Variants in PDXK observed in about 807,000 individuals in gnomAD.
The protein encoded by PDXK is epididymis secretory sperm binding protein Li 1a.
Under a neutral mutation model 43.2 loss-of-function variants are expected in PDXK, and 15 were observed. That is an observed-to-expected ratio of 0.35 (90% CI 0.23 to 0.53). The LOEUF is 0.53. PDXK is among the 20% of genes least tolerant of loss of function. The pLI, the probability that PDXK is intolerant of heterozygous loss-of-function variation, is 0.92. For missense variants in PDXK, 343 were observed against 417.0 expected (o/e 0.82, Z 1.54); for synonymous variants, 172 against 165.4 (o/e 1.04, Z -0.31).
chr21:43,756,306 C>T lies in PDXK; in HGVS notation c.*243C>T. 5.2e-6 allele frequency: 2 copies of T among 387,864 alleles called. No individual in the cohort carries two copies. The highest frequency in any genetic ancestry group is 5.9e-5 in the South Asian group (2 of 33,762). The allele number at this position is 387,864 out of a possible 1,614,324, so 24.0% of individuals were successfully genotyped here. A position where few individuals can be genotyped will look rare whatever the true frequency, so the allele number is the denominator to read the frequency against. ...TCCCTTCCCCACAAGGCTCCTGGGC[C>T]TCCGGGAAGACGGGCCCCTGTTTGC... On this transcript the variant is annotated 3_prime_UTR_variant, in exon 11 of 11. Coordinates refer to ENST00000291565, the MANE Select transcript of PDXK (RefSeq NM_003681.5).
Position 43,734,010 on chromosome 21 carries a change from G to T in PDXK, c.88-59G>T, listed in dbSNP as rs2083363608. ...CTCTTCTGAGTCAGCACCTGCTGGG[G>T]TTCGTGGGACCCCAGACCTGGCTCT... On this transcript the variant is annotated intron_variant, in intron 1 of 10. Transcript: ENST00000291565. This position sits in a 1 kb window ranked among gnomAD's most constrained non-coding sequence, Gnocchi z 5.0. 2.6e-6 allele frequency: 4 copies of T among 1,560,284 alleles called. No individual in the cohort carries two copies. In the Admixed American group the frequency reaches 6.7e-5, roughly 26 times the overall value.
chr21:43,720,352 G>C (rs1187550600), intron 1 of PDXK, among the ~76,000 whole-genome samples: 1 of 152,168 alleles, frequency 6.6e-6, no homozygotes, highest in African/African-American at 2.4e-5. Flanking sequence ...GTAAAGAAGG[G>C]CCACCTGGGC....
At position 43,754,586 on chromosome 21, in the gene PDXK, C is replaced by A. The variant is rs1166173554; in HGVS notation, c.759+867C>A. ...GGTGGTCCCCAGCCCCTGGGCTCAG[C>A]CCCCAAAACTCCCCTGGGTACTTCC... On this transcript the variant is annotated intron_variant, in intron 9 of 10. Coordinates refer to ENST00000291565, the MANE Select transcript of PDXK (RefSeq NM_003681.5). The surrounding 1 kb of genome is among the most constrained non-coding windows in gnomAD (Gnocchi z 5.5). 2.6e-5 allele frequency among the ~76,000 whole-genome samples: 4 copies of A among 152,110 alleles called. No homozygotes were observed. Among genetic ancestry groups the A allele is most frequent in the African/African-American group, 9.7e-5 (4 of 41,420 alleles).
At chr21:43,719,484 C>A in intron 1 of PDXK, 103 bp downstream of exon 1, 1 of 1,319,568 alleles carries the variant, frequency 7.6e-7, no homozygotes, top group Non-Finnish European at 1.0e-6. Context: ...TCGGGAGCTG[C>A]GGGCAGAGCC....
chr21:43,728,861 C>A (rs1282694053), intron 1 of PDXK: 1 of 985,466 alleles, frequency 1.0e-6, no homozygotes, highest in East Asian at 1.1e-4. Flanking sequence ...CGCTGCGGCC[C>A]CCGCAGGAAG....
chr21:43,746,180 C>T, intron 5 of PDXK, 55 bp downstream of exon 5: 1 of 1,418,374 alleles, frequency 7.1e-7, no homozygotes, highest in Non-Finnish European at 1.0e-6. Context: ...CTATTCCTGT[C>T]CAGCCAGAAG....
intron 5 of PDXK, among the ~76,000 whole-genome samples, chr21:43,748,205 T>C (rs1288469528): frequency 6.6e-6 from 1 of 152,192 alleles, no homozygotes; most frequent in African/African-American, 2.4e-5. Flanking sequence ...AAGAAAACCA[T>C]GTGTTGCCTG....
At chr21:43,733,223 GGGAAGCCCC>G (rs1168619439) in intron 1 of PDXK, among the ~76,000 whole-genome samples, 1 of 150,142 alleles carries the variant, frequency 6.7e-6, no homozygotes, top group Non-Finnish European at 1.5e-5. Flanking sequence ...AAACAAATGT[GGGAAGCCCC>G]GGAAGCCCCT....
rs1051378174 is a variant in PDXK at position 43,734,775 on chromosome 21, G to T, written c.142+652G>T. On this transcript the variant is annotated intron_variant, in intron 2 of 10. Transcript: ENST00000291565. This position sits in a 1 kb window ranked among gnomAD's most constrained non-coding sequence, Gnocchi z 5.0. ...CCCCATGGCCTGGGGGTGGAGGTGC[G>T]TGGAGTCCCCCCTCCTCTCTGTGGT... 1.3e-5 allele frequency among the ~76,000 whole-genome samples: 2 copies of T among 152,068 alleles called. No homozygotes were observed. Among genetic ancestry groups the T allele is most frequent in the South Asian group, 4.2e-4 (2 of 4,804 alleles).
At chr21:43,727,552 TCTC>T (rs2083266971) in intron 1 of PDXK, among the ~76,000 whole-genome samples, 1 of 152,124 alleles carries the variant, frequency 6.6e-6, no homozygotes, top group African/African-American at 2.4e-5. Flanking sequence ...TCTTGTCCCA[TCTC>T]CTTACCTGTG....
chr21:43,759,372 A>G lies in PDXK; in HGVS notation c.*3309A>G, dbSNP rs1711995164. 6.5e-6 allele frequency: 1 copy of G among 153,644 alleles called. No individual in the cohort carries two copies. The highest frequency in any genetic ancestry group is 2.1e-4 in the South Asian group (1 of 4,806). The allele number at this position is 153,644 out of a possible 1,614,324, so 9.5% of individuals were successfully genotyped here. On this transcript the variant is annotated 3_prime_UTR_variant, in exon 11 of 11. Coordinates refer to ENST00000291565, the MANE Select transcript of PDXK (RefSeq NM_003681.5). ...ATTCTCTCTTTAGTTTAACTATGCA[A>G]AGAGAGGAGGTTGAGAGTGTTCTGG...
intron 1 of PDXK, among the ~76,000 whole-genome samples, chr21:43,726,323 A>G (rs2083253644): frequency 8.0e-6 from 1 of 125,036 alleles, no homozygotes; most frequent in Non-Finnish European, 1.6e-5. Context: ...CCCAGGCTGG[A>G]GTGCAGTGGC....
intron 4 of PDXK, among the ~76,000 whole-genome samples, chr21:43,744,196 TC>T (rs2083597017): frequency 6.8e-6 from 1 of 147,106 alleles, no homozygotes; most frequent in Non-Finnish European, 1.5e-5. Flanking sequence ...GAGGGCAGGG[TC>T]ATACCCAGGC....
rs890568363 is a variant in PDXK at position 43,754,321 on chromosome 21, C to A, written c.759+602C>A. On this transcript the variant is annotated intron_variant, in intron 9 of 10. Coordinates refer to ENST00000291565, the MANE Select transcript of PDXK (RefSeq NM_003681.5). This position sits in a 1 kb window ranked among gnomAD's most constrained non-coding sequence, Gnocchi z 5.5. ...TGGGGGGAGTGGGACTGTTGGGCAA[C>A]TGACATGGCAGGTTGGGATGTGGGG... Among the ~76,000 whole-genome samples the A allele has an allele frequency of 6.6e-6, 1 of 152,120 alleles. No homozygotes were observed. Among genetic ancestry groups the A allele is most frequent in the Non-Finnish European group, 1.5e-5 (1 of 68,002 alleles).
rs1284078609 is a variant in PDXK, at chr21:43,732,674, C to G, written c.88-1395C>G. On this transcript the variant is annotated intron_variant, in intron 1 of 10. Coordinates refer to ENST00000291565, the MANE Select transcript of PDXK (RefSeq NM_003681.5). This position sits in a 1 kb window ranked among gnomAD's most constrained non-coding sequence, Gnocchi z 4.1. ...TTAGAATTTTAAAGGATTTGAAATA[C>G]TGCAAGCTATCTGTGTATAGAGGCT... 1 of 776,150 alleles carries G rather than the reference C, an allele frequency of 1.3e-6. No homozygotes were observed. The highest frequency in any genetic ancestry group is 1.7e-5 in the Admixed American group (1 of 58,874). 48.1% of individuals were successfully genotyped at this position (776,150 alleles called of 1,614,324 possible).
In PDXK at chr21:43,731,244, C is replaced by T. The variant is rs138143993; in HGVS notation, c.88-2825C>T. ...CAAAGCCAGCAACAGTCGTTGAGTC[C>T]TTCTTTTAACTTCCAATCTCTGATT... is the stretch of plus-strand genomic sequence containing the variant. On this transcript the variant is annotated intron_variant, in intron 1 of 10. Transcript: ENST00000291565. 1.7e-3 allele frequency among the ~76,000 whole-genome samples: 266 copies of T among 152,318 alleles called. 2 individuals carry two copies. Among genetic ancestry groups the T allele is most frequent in the African/African-American group, 6.0e-3 (250 of 41,572 alleles).
At position 43,737,859 on chromosome 21, in the gene PDXK, T is replaced by C. The variant is rs2147247414; in HGVS notation, c.142+3736T>C. 1.0e-6 allele frequency: 1 copy of C among 985,348 alleles called. No homozygotes were observed. Among genetic ancestry groups the C allele is most frequent in the Non-Finnish European group, 1.2e-6 (1 of 829,892 alleles). 61.0% of individuals were successfully genotyped at this position (985,348 alleles called of 1,614,324 possible). A position where few individuals can be genotyped will look rare whatever the true frequency, so the allele number is the denominator to read the frequency against. On this transcript the variant is annotated intron_variant, in intron 2 of 10. Transcript: ENST00000291565. This position sits in a 1 kb window ranked among gnomAD's most constrained non-coding sequence, Gnocchi z 4.8. ...CTTTTTCATCTGTAAATGGAATGAG[T>C]TGGACACAAGATCCAAGCGCCCTCC... is the stretch of plus-strand genomic sequence containing the variant.
intron 1 of PDXK, among the ~76,000 whole-genome samples, chr21:43,730,512 G>C (rs1454563509): frequency 1.3e-5 from 2 of 152,212 alleles, no homozygotes; most frequent in Non-Finnish European, 2.9e-5. Flanking sequence ...AACCTGAGCA[G>C]GAAAGAGCTG....
chr21:43,744,215 G>C (rs1389370005), intron 4 of PDXK, among the ~76,000 whole-genome samples: 1 of 151,958 alleles, frequency 6.6e-6, no homozygotes, highest in Non-Finnish European at 1.5e-5. Context: ...GGCAGGGCCA[G>C]GCTAGGGAGT....
Sources: allele counts gnomAD v4.1 joint callset (sites outside exome capture counted in the v4.1 genomes callset), GRCh38; gene constraint gnomAD v4.1.1; non-coding constraint Gnocchi (gnomAD v3.1); transcripts MANE v1.5; gene names NCBI Gene and HGNC (gene_info 2026-07-23, HGNC 2026-07-21).